ANKFN1: variants seen among roughly 807,000 people sequenced by gnomAD.
ANKFN1 encodes ankyrin repeat and fibronectin type-III domain-containing protein 1.
In ANKFN1, 74 loss-of-function variants were observed where a neutral mutation model predicts 108.7. The observed-to-expected ratio is 0.68, with a 90% confidence interval of 0.56 to 0.83. ANKFN1 has a LOEUF of 0.83. ANKFN1 is among the 40% of genes least tolerant of loss of function. The pLI is 0.00. For missense variants in ANKFN1, 1,505 were observed against 1,382.3 expected (o/e 1.09, Z -1.41); for synonymous variants, 547 against 516.2 (o/e 1.06, Z -0.81).
intron 1 of ANKFN1, among the ~76,000 whole-genome samples, chr17:56,201,560 C>T (rs1358429495): frequency 1.3e-5 from 2 of 151,900 alleles, no homozygotes; most frequent in Non-Finnish European, 2.9e-5. Context: ...TTAATAAATA[C>T]TTATTGATTA....
intron 8 of ANKFN1, among the ~76,000 whole-genome samples, chr17:56,432,246 C>T (rs1221534427): frequency 1.3e-5 from 2 of 152,124 alleles, no homozygotes; most frequent in East Asian, 1.9e-4. Context: ...AAACAAGTGA[C>T]GATCTATCTG....
chr17:56,280,914 G>A (rs2044064126), intron 3 of ANKFN1, among the ~76,000 whole-genome samples: 1 of 152,120 alleles, frequency 6.6e-6, no homozygotes, highest in African/African-American at 2.4e-5. Context: ...TCTTTCTCAT[G>A]CTGTTTTCAT....
rs112807523 is a variant in ANKFN1 at position 56,477,374 on chromosome 17, T to C, written c.1774-114T>C. ...TACCTGAGGTTTCTCACCTAATTAC[T>C]TAGTGACAGCTCCTTTCATTCATGA... On this transcript the variant is annotated intron_variant, in intron 15 of 20. Coordinates refer to ENST00000682825, the MANE Select transcript of ANKFN1 (RefSeq NM_001370326.1). The C allele has an allele frequency of 5.8e-4, 614 of 1,054,020 alleles. 7 individuals carry two copies. In the African/African-American group the frequency reaches 9.3e-3, roughly 16 times the overall value. 65.3% of individuals were successfully genotyped at this position (1,054,020 alleles called of 1,614,324 possible).
At chr17:56,054,626 TGCAGACTGAGCATGGTG>T (rs1401217114) in intron 4 of ANKFN1, among the ~76,000 whole-genome samples, 1 of 152,202 alleles carries the variant, frequency 6.6e-6, no homozygotes, top group Admixed American at 6.5e-5. Context: ...AATACTTAAT[TGCAGACTGAGCATGGTG>T]GCTCACACCT....
intron 18 of ANKFN1, among the ~76,000 whole-genome samples, chr17:56,482,930 T>C (rs1193513315): frequency 6.6e-6 from 1 of 152,082 alleles, no homozygotes; most frequent in African/African-American, 2.4e-5. Context: ...CTTTCCTCCC[T>C]TTCTCTCTCA....
At chr17:56,154,500 C>A (rs1908905001) in intron 1 of ANKFN1, among the ~76,000 whole-genome samples, 1 of 152,016 alleles carries the variant, frequency 6.6e-6, no homozygotes, top group Non-Finnish European at 1.5e-5. Flanking sequence ...TCCTTTCTTT[C>A]TTTTTCCTTC....
intron 1 of ANKFN1, among the ~76,000 whole-genome samples, chr17:56,165,273 A>C (rs956388521): frequency 1.3e-5 from 2 of 152,026 alleles, no homozygotes; most frequent in Admixed American, 1.3e-4. Flanking sequence ...CTTTTTTTTT[A>C]AGAAAATATT....
chr17:56,374,812 A>AG, intron 8 of ANKFN1, 98 bp downstream of exon 8: 1 of 964,756 alleles, frequency 1.0e-6, no homozygotes, highest in Non-Finnish European at 1.6e-6. Context: ...TTTCCTACTG[A>AG]TAGGAATGTT....
chr17:56,086,763 G>A (rs574242121), intron 4 of ANKFN1, among the ~76,000 whole-genome samples: 4 of 151,282 alleles, frequency 2.6e-5, no homozygotes, highest in South Asian at 4.2e-4. Flanking sequence ...CACAGAGACC[G>A]GCAGTAGATG....
At chr17:56,285,838 GATGATGA>G (rs1285843725) in intron 3 of ANKFN1, among the ~76,000 whole-genome samples, 12 of 32,730 alleles carry the variant, frequency 3.7e-4, no homozygotes, top group African/African-American at 2.7e-3. Context: ...GTCAGACAAT[GATGATGA>G]TGATGATGAT....
intron 4 of ANKFN1, 119 bp from the exon 5 acceptor site, chr17:56,350,647 G>A: frequency 1.1e-6 from 1 of 924,820 alleles, no homozygotes; most frequent in East Asian, 2.6e-5. Context: ...AATCTCTAAG[G>A]TCCCTACCAG....
intron 1 of ANKFN1, among the ~76,000 whole-genome samples, chr17:56,183,559 C>T (rs2143641105): frequency 6.6e-6 from 1 of 152,034 alleles, no homozygotes; most frequent in East Asian, 1.9e-4. Flanking sequence ...TGGGACCTCC[C>T]CTTTCTCACT....
intron 4 of ANKFN1, among the ~76,000 whole-genome samples, chr17:56,099,179 A>G (rs1474350800): frequency 1.3e-5 from 2 of 152,208 alleles, no homozygotes; most frequent in Non-Finnish European, 2.9e-5. Context: ...AGTGGTTCCT[A>G]TTTAAGTACT....
intron 20 of ANKFN1, among the ~76,000 whole-genome samples, chr17:56,503,355 A>C (rs2051438031): frequency 1.3e-5 from 2 of 151,714 alleles, no homozygotes; most frequent in Admixed American, 1.3e-4. Flanking sequence ...TTCTCTTGGG[A>C]TATCAGAAGG....
Position 56,272,191 on chromosome 17 carries a change from C to T in ANKFN1, c.53+44234C>T, listed in dbSNP as rs138461832. 1.7e-3 allele frequency among the ~76,000 whole-genome samples: 255 copies of T among 152,182 alleles called. 1 individual carries two copies. Among genetic ancestry groups the T allele is most frequent in the African/African-American group, 5.7e-3 (236 of 41,520 alleles). On this transcript the variant is annotated intron_variant, in intron 3 of 20. Coordinates refer to ENST00000682825, the MANE Select transcript of ANKFN1 (RefSeq NM_001370326.1). ...ACTATCTTAACCACTTCAAATGCACCGTTCAGTGGCATTAAGTACATTGAT... is the reference window on the plus strand; with the variant it reads ...ACTATCTTAACCACTTCAAATGCACTGTTCAGTGGCATTAAGTACATTGAT...
intron 11 of ANKFN1, 56 bp from the exon 12 acceptor site, chr17:56,456,804 TG>T: frequency 7.1e-7 from 1 of 1,401,594 alleles, no homozygotes; most frequent in Non-Finnish European, 1.0e-6. Context: ...AAAATGGAAT[TG>T]GGGGTGTTGA....
chr17:56,240,444 AT>A (rs1300947390), intron 3 of ANKFN1, among the ~76,000 whole-genome samples: 5 of 152,042 alleles, frequency 3.3e-5, no homozygotes, highest in African/African-American at 1.2e-4. Context: ...CATTCATTCT[AT>A]TGGTGAAAAA....
intron 20 of ANKFN1, among the ~76,000 whole-genome samples, chr17:56,503,375 C>A (rs1275018291): frequency 2.0e-5 from 3 of 150,520 alleles, no homozygotes; most frequent in Admixed American, 6.6e-5. Context: ...GTGAACAAAC[C>A]CCGGAGGTTC....
intron 4 of ANKFN1, among the ~76,000 whole-genome samples, chr17:56,130,934 GTT>G (rs368642526): frequency 6.7e-6 from 1 of 148,484 alleles, no homozygotes; most frequent in Non-Finnish European, 1.5e-5. Flanking sequence ...TCTAACTTGA[GTT>G]TTTTTTTTTC....
Sources: gnomAD v4.1 joint callset for allele counts (sites outside exome capture counted in the v4.1 genomes callset) on GRCh38, gnomAD v4.1.1 for gene constraint, MANE v1.5 for transcripts, NCBI Gene and HGNC (gene_info 2026-07-23, HGNC 2026-07-21) for gene names.